FAM124B: variants seen among roughly 807,000 people sequenced by gnomAD.
FAM124B encodes the protein protein FAM124B.
Under a neutral mutation model 19.7 loss-of-function variants are expected in FAM124B, and 18 were observed. The ratio of observed to expected loss-of-function variants is 0.92; its 90% CI spans 0.63 to 1.36. FAM124B has a LOEUF of 1.36. Ranked by LOEUF, FAM124B falls within the 40% of genes most tolerant of loss-of-function variation. The pLI is 0.00. For missense variants in FAM124B, 540 were observed against 553.3 expected, an observed-to-expected ratio of 0.98 and a Z score of 0.24; for synonymous variants, 223 against 225.2, an observed-to-expected ratio of 0.99 and a Z score of 0.09.
Position 224,379,647 on chromosome 2 carries a change from T to G in FAM124B, c.1294A>C (p.Ile432Leu). ...TGCAGATGAAGGAGACATTCTGAAA[T>G]TGTCTTCCTGGTACCAAGGTCCCTT... ...GQRDLGTRKT[I>L]SECLLHLQVQ... is the part of the protein sequence containing the mutation. The change falls in exon 2 of 2, where the codon ATT becomes CTT. Residue 432 changes from isoleucine to leucine, a missense_variant. Transcript: ENST00000409685. 2 of 1,551,572 alleles carry G rather than the reference T, an allele frequency of 1.3e-6. No individual in the cohort carries two copies. The highest frequency in any genetic ancestry group is 1.7e-6 in the Non-Finnish European group (2 of 1,146,910).
chr2:224,389,175 G>T (rs903068095), intron 1 of FAM124B, among the ~76,000 whole-genome samples: 1 of 151,992 alleles, frequency 6.6e-6, no homozygotes, highest in African/African-American at 2.4e-5. Flanking sequence ...CAAGTGATCC[G>T]CCTGCCTCGG....
At chr2:224,380,300 C>A in intron 1 of FAM124B, 92 bp from the exon 2 acceptor site, 1 of 1,143,400 alleles carries the variant, frequency 8.7e-7, no homozygotes, top group Non-Finnish European at 1.2e-6. Flanking sequence ...TCTGCCATGC[C>A]ATGCCCATAG....
At chr2:224,393,015 T>A (rs1025754233) in intron 1 of FAM124B, among the ~76,000 whole-genome samples, 3 of 152,250 alleles carry the variant, frequency 2.0e-5, no homozygotes, top group African/African-American at 7.2e-5. Flanking sequence ...CCGTATCGAA[T>A]AGCACAGATA....
intron 1 of FAM124B, among the ~76,000 whole-genome samples, chr2:224,391,373 G>A (rs1035896578): frequency 6.6e-6 from 1 of 150,582 alleles, no homozygotes; most frequent in Non-Finnish European, 1.5e-5. Flanking sequence ...AGAAACGTTC[G>A]TTGGTAATCT....
chr2:224,401,053 T>G lies in FAM124B; in HGVS notation c.716A>C (p.Asn239Thr). 1 of 1,600,842 alleles carries G rather than the reference T, an allele frequency of 6.2e-7. No homozygotes were observed. Among genetic ancestry groups the G allele is most frequent in the Non-Finnish European group, 8.5e-7 (1 of 1,172,054 alleles). The change falls in exon 1 of 2, where the codon AAC becomes ACC. Residue 239 changes from asparagine to threonine, a missense_variant. Coordinates refer to ENST00000409685, the MANE Select transcript of FAM124B (RefSeq NM_001122779.2). ...TRWQTQDYDG[N>T]KILLQVQLNP... ...CAGAAATACCTGAAGCAGAATCTTG[T>G]TGCCATCGTAGTCCTGAGTCTGCCA...
At position 224,380,304 on chromosome 2, in the gene FAM124B, C is replaced by T. The variant is rs1008123669; in HGVS notation, c.733-96G>A. 44 of 1,089,968 alleles carry T rather than the reference C, an allele frequency of 4.0e-5. No individual in the cohort carries two copies. In the Admixed American group the frequency reaches 6.3e-4, roughly 16 times the overall value. 67.5% of individuals were successfully genotyped at this position (1,089,968 alleles called of 1,614,324 possible). A position where few individuals can be genotyped will look rare whatever the true frequency, so the allele number is the denominator to read the frequency against. On this transcript the variant is annotated intron_variant, in intron 1 of 1. Transcript: ENST00000409685. The stretch of plus-strand genomic sequence containing the variant: ...CTTATTCACCCTCTGCCATGCCATG[C>T]CCATAGCAGACTTTCAGTAAATTTG...
At position 224,401,580 on chromosome 2, in the gene FAM124B, C is replaced by T. The variant is rs773861371; in HGVS notation, c.189G>A (p.Arg63=). ...AGAGCAACACGGACATCCCTGGAAACCGGGACCGCTTGGAATGGGACTTTT... is the reference window on the plus strand; with the variant it reads ...AGAGCAACACGGACATCCCTGGAAATCGGGACCGCTTGGAATGGGACTTTT... The part of the protein sequence containing the change: ...YCEKSHSKRS[R]FPGMSVLLFL... Residue 63 remains arginine, a synonymous_variant, in exon 1 of 2, where the codon CGG becomes CGA. Coordinates refer to ENST00000409685, the MANE Select transcript of FAM124B (RefSeq NM_001122779.2). The T allele has an allele frequency of 1.2e-6, 2 of 1,614,056 alleles. No individual in the cohort carries two copies. Among genetic ancestry groups the T allele is most frequent in the Non-Finnish European group, 1.7e-6 (2 of 1,180,044 alleles).
chr2:224,393,629 A>G (rs1263694725), intron 1 of FAM124B, among the ~76,000 whole-genome samples: 2 of 152,120 alleles, frequency 1.3e-5, no homozygotes, highest in Non-Finnish European at 2.9e-5. Context: ...ATCCTCCTTC[A>G]CTGTGTGAGT....
At position 224,380,193 on chromosome 2, in the gene FAM124B, C is replaced by T. The variant is rs1181746220; in HGVS notation, c.748G>A (p.Glu250Lys). 11 of 1,544,678 alleles carry T rather than the reference C, an allele frequency of 7.1e-6. No homozygotes were observed. In the South Asian group the frequency reaches 1.3e-4, roughly 18 times the overall value. The change falls in exon 2 of 2, where the codon GAA becomes AAA. Residue 250 changes from glutamate to lysine, a missense_variant. Physicochemically the swap from Glu to Lys is moderately conservative, Grantham distance 56 (BLOSUM62 1). Transcript: ENST00000409685. The part of the protein sequence containing the change: ...KILLQVQLNP[E>K]LGVKNGILGA... ...AAGATGCCATTCTTAACACCAAGTTCTGGATTCAGCTGAACCTACAGGAAA... is the reference window on the plus strand; with the variant it reads ...AAGATGCCATTCTTAACACCAAGTTTTGGATTCAGCTGAACCTACAGGAAA...
chr2:224,389,804 A>G (rs1157773238), intron 1 of FAM124B, among the ~76,000 whole-genome samples: 1 of 152,124 alleles, frequency 6.6e-6, no homozygotes, highest in Non-Finnish European at 1.5e-5. Flanking sequence ...CAACCCCACA[A>G]GGTGATTTTT....
intron 1 of FAM124B, among the ~76,000 whole-genome samples, chr2:224,381,590 T>C (rs965172275): frequency 2.0e-5 from 3 of 152,184 alleles, no homozygotes; most frequent in Non-Finnish European, 4.4e-5. Flanking sequence ...CTACTCTGCA[T>C]GATACTGTAA....
In FAM124B at chr2:224,390,741, C is replaced by T. The variant is rs188688329; in HGVS notation, c.732+10296G>A. Among the ~76,000 whole-genome samples the T allele has an allele frequency of 3.5e-3, 532 of 150,542 alleles. 1 individual carries two copies. Among genetic ancestry groups the T allele is most frequent in the Non-Finnish European group, 6.7e-3 (452 of 67,796 alleles). On this transcript the variant is annotated intron_variant, in intron 1 of 1. Coordinates refer to ENST00000409685, the MANE Select transcript of FAM124B (RefSeq NM_001122779.2). Reference sequence around the variant, plus strand: ...TTTAAGACAGAGTCTCTCTCAGTCGCCCAGGCTGGAGTGCAGTGGCGCGAT... The same window carrying T: ...TTTAAGACAGAGTCTCTCTCAGTCGTCCAGGCTGGAGTGCAGTGGCGCGAT...
rs181816086 is a variant in FAM124B, at chr2:224,401,494, G to A, written c.275C>T (p.Ser92Leu). The change falls in exon 1 of 2, where the codon TCG (serine) becomes TTG (leucine). Residue 92 changes from serine to leucine, a missense_variant. By Grantham distance (145) the Ser-to-Leu change is moderately radical (BLOSUM62 -2). Transcript: ENST00000409685. ...CTGGGTGGGGTAGCACTGCCATGGC[G>A]AATGCTGGAGAGAGTCCAGGACGCG... ...LFRVLDSLQH[S>L]PWQCYPTQDT... 1.5e-4 allele frequency: 241 copies of A among 1,614,104 alleles called. No homozygotes were observed. In the Admixed American group the frequency reaches 3.7e-3, roughly 25 times the overall value.
intron 1 of FAM124B, among the ~76,000 whole-genome samples, chr2:224,383,797 C>G (rs747235746): frequency 1.3e-5 from 2 of 152,210 alleles, no homozygotes; most frequent in Admixed American, 6.5e-5. Context: ...CTTGGAGAAT[C>G]ATTTGACACT....
At chr2:224,380,357 A>G (rs1421918965) in intron 1 of FAM124B, 149 bp from the exon 2 acceptor site, 1 of 689,316 alleles carries the variant, frequency 1.5e-6, no homozygotes. Context: ...TGATAAGTAC[A>G]ATATAATTAT....
intron 1 of FAM124B, among the ~76,000 whole-genome samples, chr2:224,383,620 C>G (rs1689758726): frequency 2.0e-5 from 3 of 152,086 alleles, no homozygotes; most frequent in Non-Finnish European, 1.5e-5. Flanking sequence ...TCTCCCTATC[C>G]CAACCTCAAA....
At chr2:224,397,208 G>C (rs766194457) in intron 1 of FAM124B, among the ~76,000 whole-genome samples, 1 of 152,116 alleles carries the variant, frequency 6.6e-6, no homozygotes, top group Admixed American at 6.5e-5. Context: ...TGCTGTTCTC[G>C]TGATAGAGAA....
intron 1 of FAM124B, among the ~76,000 whole-genome samples, chr2:224,396,250 A>C (rs1401439193): frequency 6.6e-6 from 1 of 152,032 alleles, no homozygotes; most frequent in African/African-American, 2.4e-5. Flanking sequence ...AAACCTCAGG[A>C]AGTTTGCTGA....
At chr2:224,385,373 T>C (rs1689787178) in intron 1 of FAM124B, among the ~76,000 whole-genome samples, 1 of 152,222 alleles carries the variant, frequency 6.6e-6, no homozygotes, top group South Asian at 2.1e-4. Context: ...CTCCTACCTT[T>C]CCCTCCACCC....
Sources: allele counts gnomAD v4.1 joint callset (sites outside exome capture counted in the v4.1 genomes callset), GRCh38; gene constraint gnomAD v4.1.1; transcripts MANE v1.5; gene names NCBI Gene and HGNC (gene_info 2026-07-23, HGNC 2026-07-21).